The following SF3B1 variants were observed in gnomAD, a reference collection of about 807,000 sequenced individuals.
SF3B1 encodes the protein pre-mRNA processing 10.
Under a neutral mutation model 153.8 loss-of-function variants are expected in SF3B1, and 12 were observed. The observed-to-expected ratio is 0.08, with a 90% CI of 0.05 to 0.13. The LOEUF is 0.13. Among genes scored for constraint, SF3B1 ranks in the 10% least tolerant of loss-of-function variants. The pLI is 1.00. For synonymous variants in SF3B1, 498 were observed against 525.2 expected (o/e 0.95, Z 0.71); for missense variants, 513 against 1,606.1 (o/e 0.32, Z 11.63).
intron 2 of SF3B1, 134 bp downstream of exon 2, chr2:197,423,674 C>A: frequency 1.3e-6 from 1 of 744,906 alleles, no homozygotes; most frequent in South Asian, 1.8e-5. Context: ...GAGAGGATAC[C>A]TCCAGTAGTT....
At chr2:197,394,493 T>C (rs2084852891) in intron 23 of SF3B1, among the ~76,000 whole-genome samples, 1 of 152,226 alleles carries the variant, frequency 6.6e-6, no homozygotes, top group Admixed American at 6.5e-5. Context: ...GAAATAACTA[T>C]CATCTCCTAT....
intron 11 of SF3B1, 146 bp downstream of exon 11, chr2:197,404,930 G>A: frequency 1.7e-6 from 1 of 586,862 alleles, no homozygotes; most frequent in Non-Finnish European, 3.0e-6. Context: ...TGTAATCCCA[G>A]CACTTTGGGA....
intron 1 of SF3B1, among the ~76,000 whole-genome samples, chr2:197,431,639 G>A (rs1164414099): frequency 1.3e-5 from 2 of 152,068 alleles, no homozygotes; most frequent in African/African-American, 4.8e-5. Flanking sequence ...GATATAACCG[G>A]TGAACAACTA....
At chr2:197,424,546 A>G (rs1399778758) in intron 1 of SF3B1, among the ~76,000 whole-genome samples, 1 of 151,594 alleles carries the variant, frequency 6.6e-6, no homozygotes, top group Non-Finnish European at 1.5e-5. Context: ...CATATAACCT[A>G]GCTTAAAATG....
rs2084798735 is a variant in SF3B1 at position 197,390,537 on chromosome 2, T to C, written c.*1766A>G. ...GTGACATATATTCAGAAAGTTGTCA[T>C]ACAAGGAATGATGAGGAGTTACAAA... On this transcript the variant is annotated 3_prime_UTR_variant, in exon 25 of 25. Transcript: ENST00000335508. 6.6e-6 allele frequency: 1 copy of C among 152,112 alleles called. No individual in the cohort carries two copies. Among genetic ancestry groups the C allele is most frequent in the East Asian group, 1.9e-4 (1 of 5,190 alleles). The allele number at this position is 152,112 out of a possible 1,614,324, so 9.4% of individuals were successfully genotyped here.
Position 197,402,843 on chromosome 2 carries a change from G to GA in SF3B1, c.1807-18dup, listed in dbSNP as rs1316782991. On this transcript the variant is annotated splice_polypyrimidine_tract_variant and intron_variant, in intron 13 of 24. Coordinates refer to ENST00000335508, the MANE Select transcript of SF3B1 (RefSeq NM_012433.4). This position sits in a 1 kb window ranked among gnomAD's most constrained non-coding sequence, Gnocchi z 4.6. ...ACCAGCAGCCTAAAATGTAAACAAAGAAAGGACAGTCATGAGTTGGTAATA... is the reference window on the plus strand; with the variant it reads ...ACCAGCAGCCTAAAATGTAAACAAAGAAAAGGACAGTCATGAGTTGGTAATA... 2.5e-6 allele frequency: 4 copies of GA among 1,612,290 alleles called. No homozygotes were observed. In the Middle Eastern group the frequency reaches 5.0e-4, roughly 200 times the overall value.
In SF3B1 at chr2:197,401,572, A is replaced by T; in HGVS notation, c.2371-47T>A. The stretch of plus-strand genomic sequence containing the variant: ...ATAATAAATCAACTGACCTGAAATG[A>T]AGAGAATACTCATTGCTGATTACGT... On this transcript the variant is annotated intron_variant, in intron 16 of 24. Transcript: ENST00000335508. This position sits in a 1 kb window ranked among gnomAD's most constrained non-coding sequence, Gnocchi z 4.2. 6.4e-7 allele frequency: 1 copy of T among 1,562,928 alleles called. No homozygotes were observed. The highest frequency in any genetic ancestry group is 2.2e-5 in the East Asian group (1 of 44,552).
intron 1 of SF3B1, among the ~76,000 whole-genome samples, chr2:197,433,769 A>T (rs1455979278): frequency 6.6e-6 from 1 of 152,178 alleles, no homozygotes; most frequent in Non-Finnish European, 1.5e-5. Flanking sequence ...TGTTCCTGCT[A>T]CAGTGGACTA....
At chr2:197,429,621 T>G (rs1574559742) in intron 1 of SF3B1, among the ~76,000 whole-genome samples, 1 of 151,972 alleles carries the variant, frequency 6.6e-6, no homozygotes, top group Non-Finnish European at 1.5e-5. Context: ...CCATCTCTAC[T>G]AAAAATACAA....
chr2:197,417,796 G>A (rs796248362), intron 5 of SF3B1, among the ~76,000 whole-genome samples: 8 of 152,062 alleles, frequency 5.3e-5, no homozygotes, highest in African/African-American at 1.9e-4. Flanking sequence ...TAGACAAAAT[G>A]GCATAATCTC....
chr2:197,408,647 C>T (rs1170653559), intron 7 of SF3B1, 66 bp from the exon 8 acceptor site: 1 of 1,075,506 alleles, frequency 9.3e-7, no homozygotes, highest in African/African-American at 1.6e-5. Context: ...TCTTTATTCT[C>T]AAACAGTTAT....
intron 3 of SF3B1, among the ~76,000 whole-genome samples, chr2:197,420,820 C>T (rs1452177951): frequency 6.6e-6 from 1 of 152,288 alleles, no homozygotes; most frequent in East Asian, 1.9e-4. Context: ...GAGGTTGAGA[C>T]AGGAGGAATC....
chr2:197,397,533 C>A (rs939749486), intron 22 of SF3B1, among the ~76,000 whole-genome samples: 4 of 152,176 alleles, frequency 2.6e-5, no homozygotes, highest in African/African-American at 9.7e-5. Flanking sequence ...CAGTGGCTCA[C>A]GCCTGTAATC....
At chr2:197,409,628 A>G (rs1339595731) in intron 7 of SF3B1, 142 bp downstream of exon 7, 7 of 722,556 alleles carry the variant, frequency 9.7e-6, no homozygotes, top group Admixed American at 2.3e-5. Context: ...AATTAGGCAT[A>G]TGAACTGTTC....
chr2:197,412,498 G>A (rs553077701), intron 6 of SF3B1, among the ~76,000 whole-genome samples: 2 of 151,666 alleles, frequency 1.3e-5, no homozygotes, highest in Admixed American at 6.6e-5. Context: ...TGGGATTACA[G>A]GTGCCTGCCA....
At chr2:197,395,887 C>A (rs927124415) in intron 23 of SF3B1, among the ~76,000 whole-genome samples, 169 bp downstream of exon 23, 1 of 152,192 alleles carries the variant, frequency 6.6e-6, no homozygotes, top group African/African-American at 2.4e-5. Context: ...CTACAGCGTG[C>A]ACATTATTTT....
chr2:197,402,258 G>C lies in SF3B1; in HGVS notation c.2078-128C>G, dbSNP rs565518456. On this transcript the variant is annotated intron_variant, in intron 14 of 24. Coordinates refer to ENST00000335508, the MANE Select transcript of SF3B1 (RefSeq NM_012433.4). The surrounding 1 kb of genome is among the most constrained non-coding windows in gnomAD (Gnocchi z 4.6). ...AATATGTTCACATTAAACAAAATTA[G>C]GTAAAAGCAAAACATGAACCATAGC... 9.1e-7 allele frequency: 1 copy of C among 1,103,488 alleles called. No individual in the cohort carries two copies. Among genetic ancestry groups the C allele is most frequent in the Non-Finnish European group, 1.3e-6 (1 of 786,106 alleles). 68.4% of individuals were successfully genotyped at this position (1,103,488 alleles called of 1,614,324 possible).
chr2:197,392,206 T>C lies in SF3B1; in HGVS notation c.*97A>G, dbSNP rs1468160614. 2.5e-5 allele frequency: 16 copies of C among 629,452 alleles called. No homozygotes were observed. The South Asian group carries it at 2.6e-4, about 10-fold the overall frequency. 39.0% of individuals were successfully genotyped at this position (629,452 alleles called of 1,614,324 possible). On this transcript the variant is annotated 3_prime_UTR_variant, in exon 25 of 25. Coordinates refer to ENST00000335508, the MANE Select transcript of SF3B1 (RefSeq NM_012433.4). ...CTAGCTCTTCCTCTATGACCAGTTC[T>C]ACACTGATCTGCAATGTTTAAAAGT...
At chr2:197,417,971 C>G (rs1344631843) in intron 5 of SF3B1, among the ~76,000 whole-genome samples, 1 of 151,892 alleles carries the variant, frequency 6.6e-6, no homozygotes, top group Non-Finnish European at 1.5e-5. Flanking sequence ...CACAGTGGCT[C>G]ACACCTGTAA....
Sources: allele counts gnomAD v4.1 joint callset (sites outside exome capture counted in the v4.1 genomes callset), GRCh38; gene constraint gnomAD v4.1.1; non-coding constraint Gnocchi (gnomAD v3.1); transcripts MANE v1.5; gene names NCBI Gene and HGNC (gene_info 2026-07-23, HGNC 2026-07-21).